The following PDZD8 variants were observed in gnomAD, a reference collection of about 807,000 sequenced individuals.
PDZD8 encodes the protein PDZ domain containing 8, also known as PDZ domain-containing protein 8.
Under a neutral mutation model 85.8 loss-of-function variants are expected in PDZD8, and 14 were observed. The ratio of observed to expected loss-of-function variants is 0.16; its 90% CI spans 0.11 to 0.26. PDZD8 has a LOEUF of 0.26. PDZD8 is among the 10% of genes least tolerant of loss of function. PDZD8 has a pLI of 1.00. For synonymous variants in PDZD8, 592 were observed against 568.6 expected (o/e 1.04, Z -0.59); for missense variants, 1,197 against 1,424.3 (o/e 0.84, Z 2.57).
chr10:117,339,246 T>C (rs1844569106), intron 2 of PDZD8, among the ~76,000 whole-genome samples: 1 of 152,088 alleles, frequency 6.6e-6, no homozygotes, highest in Non-Finnish European at 1.5e-5. Flanking sequence ...TGTGCTCAAG[T>C]ACTTAATTGT....
At chr10:117,338,912 A>G (rs946677570) in intron 2 of PDZD8, among the ~76,000 whole-genome samples, 1 of 152,154 alleles carries the variant, frequency 6.6e-6, no homozygotes, top group South Asian at 2.1e-4. Context: ...ACATATAATC[A>G]ATACCTAACC....
At chr10:117,312,428 T>C (rs565832267) in intron 3 of PDZD8, among the ~76,000 whole-genome samples, 1 of 152,274 alleles carries the variant, frequency 6.6e-6, no homozygotes, top group South Asian at 2.1e-4. Context: ...CAAAAGTTCA[T>C]TGATCCTCCC....
At chr10:117,308,059 C>T (rs1473535910) in intron 3 of PDZD8, among the ~76,000 whole-genome samples, 3 of 152,134 alleles carry the variant, frequency 2.0e-5, no homozygotes, top group South Asian at 2.1e-4. Flanking sequence ...GAAGCACTAA[C>T]ATCCATGCTA....
intron 1 of PDZD8, among the ~76,000 whole-genome samples, chr10:117,368,165 T>C (rs1267365689): frequency 6.6e-6 from 1 of 152,206 alleles, no homozygotes; most frequent in East Asian, 1.9e-4. Flanking sequence ...CACTAGGTAG[T>C]ATGCACTAAG....
At chr10:117,297,255 C>A (rs986663189) in intron 3 of PDZD8, among the ~76,000 whole-genome samples, 1 of 152,074 alleles carries the variant, frequency 6.6e-6, no homozygotes, top group Non-Finnish European at 1.5e-5. Context: ...TAAAGGTGGA[C>A]AATACCAACT....
intron 2 of PDZD8, among the ~76,000 whole-genome samples, chr10:117,332,466 T>C (rs1049794267): frequency 3.3e-5 from 5 of 151,234 alleles, no homozygotes. Context: ...AATATAAAAG[T>C]TTTCAGAACC....
intron 3 of PDZD8, among the ~76,000 whole-genome samples, chr10:117,297,257 A>C (rs1843772997): frequency 6.6e-6 from 1 of 152,160 alleles, no homozygotes; most frequent in African/African-American, 2.4e-5. Context: ...AAGGTGGACA[A>C]TACCAACTGC....
At chr10:117,346,745 A>T (rs1445557903) in intron 1 of PDZD8, among the ~76,000 whole-genome samples, 3 of 151,588 alleles carry the variant, frequency 2.0e-5, no homozygotes, top group African/African-American at 2.4e-5. Flanking sequence ...TTTCCTTGTC[A>T]CCACTTTTAG....
In PDZD8 at chr10:117,333,137, A is replaced by AAAAAAAAC. The variant is rs1564703089; in HGVS notation, c.995+7842_995+7843insGTTTTTTT. Among the ~76,000 whole-genome samples the AAAAAAAAC allele has an allele frequency of 4.3e-3, 642 of 149,206 alleles. 14 individuals are homozygous for AAAAAAAAC. The highest frequency in any genetic ancestry group is 0.015 in the African/African-American group (617 of 40,486). On this transcript the variant is annotated intron_variant, in intron 2 of 4. Transcript: ENST00000334464. ...TGTCTCAAAAAAAAAAAAAAAAAAA[A>AAAAAAAAC]AAAAAAGGGGATATGGAGGCAGAAT...
chr10:117,331,802 G>A (rs1844425148), intron 2 of PDZD8, among the ~76,000 whole-genome samples: 1 of 152,144 alleles, frequency 6.6e-6, no homozygotes, highest in African/African-American at 2.4e-5. Flanking sequence ...AGTAGTGGAG[G>A]TATACAATTA....
rs1243588611 is a variant in PDZD8 at position 117,375,289 on chromosome 10, G to A, written c.-62C>T. The A allele has an allele frequency of 1.5e-6, 2 of 1,369,358 alleles. No individual in the cohort carries two copies. 84.8% of individuals were successfully genotyped at this position (1,369,358 alleles called of 1,614,324 possible). On this transcript the variant is annotated 5_prime_UTR_variant, in exon 1 of 5. Transcript: ENST00000334464. Reference sequence around the variant, plus strand: ...CCCACAGCGCCGCTTTCTTCACGCCGCCGCCCCCGCTGCCTCCATTTTGAG... The same window carrying A: ...CCCACAGCGCCGCTTTCTTCACGCCACCGCCCCCGCTGCCTCCATTTTGAG...
intron 3 of PDZD8, among the ~76,000 whole-genome samples, chr10:117,301,858 T>C (rs1299773750): frequency 6.6e-6 from 1 of 152,118 alleles, no homozygotes; most frequent in African/African-American, 2.4e-5. Context: ...CCTCCCTTTT[T>C]CCTCTAATTC....
intron 1 of PDZD8, among the ~76,000 whole-genome samples, chr10:117,364,452 T>G (rs1457811992): frequency 2.0e-5 from 3 of 150,166 alleles, no homozygotes; most frequent in Non-Finnish European, 4.4e-5. Flanking sequence ...TGGGACAGTT[T>G]CTATACGCAC....
intron 3 of PDZD8, among the ~76,000 whole-genome samples, chr10:117,308,039 C>T (rs1254977108): frequency 9.9e-5 from 15 of 152,084 alleles, no homozygotes; most frequent in Admixed American, 4.6e-4. Context: ...TTATTAATTA[C>T]AACTATCTGG....
At chr10:117,348,451 C>T (rs1357878019) in intron 1 of PDZD8, among the ~76,000 whole-genome samples, 2 of 152,132 alleles carry the variant, frequency 1.3e-5, no homozygotes, top group African/African-American at 4.8e-5. Flanking sequence ...AGAGCCAAAA[C>T]TGGAACTTGT....
rs368125051 is a variant in PDZD8 at position 117,311,128 on chromosome 10, C to G, written c.1098+7744G>C. Among the ~76,000 whole-genome samples the G allele has an allele frequency of 2.0e-4, 30 of 152,244 alleles. No homozygotes were observed. In the South Asian group the frequency reaches 4.1e-3, roughly 21 times the overall value. On this transcript the variant is annotated intron_variant, in intron 3 of 4. Coordinates refer to ENST00000334464, the MANE Select transcript of PDZD8 (RefSeq NM_173791.5). Reference sequence around the variant, plus strand: ...GTCATTTTATTTAGGTTACATTAAACTATACACATAGAGTAAGAAATGTTT... The same window carrying G: ...GTCATTTTATTTAGGTTACATTAAAGTATACACATAGAGTAAGAAATGTTT...
In PDZD8 at chr10:117,374,910, G is replaced by A. The variant is rs773440793; in HGVS notation, c.318C>T (p.Phe106=). 6.2e-7 allele frequency: 1 copy of A among 1,613,474 alleles called. No individual in the cohort carries two copies. The highest frequency in any genetic ancestry group is 8.5e-7 in the Non-Finnish European group (1 of 1,179,858). ...TCAGCGCGGTGTCCCGCAACTCCCGGAACAGGAATAGGATGGTGGCGTTGA... is the reference window on the plus strand; with the variant it reads ...TCAGCGCGGTGTCCCGCAACTCCCGAAACAGGAATAGGATGGTGGCGTTGA... ...YFLNATILFL[F]RELRDTALTR... The change falls in exon 1 of 5, where the codon TTC becomes TTT. Residue 106 remains phenylalanine, a synonymous_variant. Coordinates refer to ENST00000334464, the MANE Select transcript of PDZD8 (RefSeq NM_173791.5). The surrounding 1 kb of genome is among the most constrained non-coding windows in gnomAD (Gnocchi z 7.8).
intron 2 of PDZD8, among the ~76,000 whole-genome samples, chr10:117,333,085 C>T (rs559796287): frequency 8.1e-6 from 1 of 122,824 alleles, no homozygotes; most frequent in African/African-American, 3.0e-5. Flanking sequence ...CACCATTGCA[C>T]TCCAGCCTGG....
At chr10:117,359,038 A>G (rs1343504989) in intron 1 of PDZD8, among the ~76,000 whole-genome samples, 1 of 150,896 alleles carries the variant, frequency 6.6e-6, no homozygotes, top group Non-Finnish European at 1.5e-5. Context: ...CCATGTGGTG[A>G]TGATTTCAGT....
Sources: allele counts gnomAD v4.1 joint callset (sites outside exome capture counted in the v4.1 genomes callset), GRCh38; gene constraint gnomAD v4.1.1; non-coding constraint Gnocchi (gnomAD v3.1); transcripts MANE v1.5; gene names NCBI Gene and HGNC (gene_info 2026-07-23, HGNC 2026-07-21).